Variants in CTBP2 observed in about 807,000 individuals in gnomAD.
CTBP2 encodes C-terminal binding protein 2, also known as C-terminal-binding protein 2.
In CTBP2, 30 loss-of-function variants were observed where a neutral mutation model predicts 80.3. That is an observed-to-expected ratio of 0.37 (90% CI 0.28 to 0.51). CTBP2 has a LOEUF of 0.51. Ranked by LOEUF, CTBP2 falls within the 20% of genes least tolerant of loss-of-function variation. The pLI, the probability that CTBP2 is intolerant of heterozygous loss-of-function variation, is 0.93. For synonymous variants in CTBP2, 594 were observed against 587.4 expected, an observed-to-expected ratio of 1.01 and a Z score of -0.16; for missense variants, 1,212 against 1,375.3, an observed-to-expected ratio of 0.88 and a Z score of 1.88.
intron 1 of CTBP2, among the ~76,000 whole-genome samples, chr10:125,024,973 A>G (rs1293735696): frequency 6.6e-6 from 1 of 152,190 alleles, no homozygotes; most frequent in Admixed American, 6.5e-5. Context: ...GGTCATCTCT[A>G]GGAGGTAATA....
chr10:125,104,483 A>G (rs1375647917), intron 2 of CTBP2, among the ~76,000 whole-genome samples: 1 of 152,222 alleles, frequency 6.6e-6, no homozygotes, highest in East Asian at 1.9e-4. Context: ...GCGTGCCTGA[A>G]GAAACCACAT....
chr10:125,100,367 G>A (rs565785471), intron 2 of CTBP2, among the ~76,000 whole-genome samples: 12 of 152,164 alleles, frequency 7.9e-5, no homozygotes, highest in Admixed American at 2.0e-4. Flanking sequence ...TTGGGCTCTG[G>A]TAAGGGAAGT....
intron 1 of CTBP2, among the ~76,000 whole-genome samples, chr10:125,128,437 G>C (rs921886945): frequency 1.3e-5 from 2 of 152,170 alleles, no homozygotes; most frequent in African/African-American, 2.4e-5. Context: ...AGGAATGAAG[G>C]AACAAGAATT....
At chr10:125,134,605 G>A (rs1206086990) in intron 1 of CTBP2, among the ~76,000 whole-genome samples, 1 of 152,176 alleles carries the variant, frequency 6.6e-6, no homozygotes, top group Non-Finnish European at 1.5e-5. Flanking sequence ...AAAGGCTGGA[G>A]AACCAGGCTG....
chr10:125,153,185 A>G (rs1418368581), intron 1 of CTBP2, among the ~76,000 whole-genome samples: 1 of 152,060 alleles, frequency 6.6e-6, no homozygotes, highest in Non-Finnish European at 1.5e-5. Flanking sequence ...GGGTGTCTCC[A>G]CTCCAGGCTG....
chr10:125,031,472 G>T (rs1384114868), upstream of CTBP2, among the ~76,000 whole-genome samples: 1 of 108,172 alleles, frequency 9.2e-6, no homozygotes, highest in African/African-American at 3.6e-5. Flanking sequence ...CTGGGCAACA[G>T]AGCAAGACTC....
chr10:125,025,447 G>A (rs1048079810), intron 1 of CTBP2, among the ~76,000 whole-genome samples: 1 of 152,108 alleles, frequency 6.6e-6, no homozygotes. Flanking sequence ...TCAAGCACGC[G>A]GAATTCCCAA....
chr10:125,026,851 T>C lies in CTBP2; in HGVS notation c.909A>G (p.Ala303=). Reference sequence around the variant, plus strand: ...GCAGTAGGGCTCCCAGCGTGGCCTCTGCCAGCCCCTCCGCCCGCAGAAAGG... The same window carrying C: ...GCAGTAGGGCTCCCAGCGTGGCCTCCGCCAGCCCCTCCGCCCGCAGAAAGG... The change falls in exon 1 of 9, where the codon GCA becomes GCG. Residue 303 remains alanine (A), a synonymous_variant. Transcript: ENST00000309035. The C allele has an allele frequency of 6.2e-7, 1 of 1,613,704 alleles. No homozygotes were observed. Among genetic ancestry groups the C allele is most frequent in the Middle Eastern group, 1.6e-4 (1 of 6,062 alleles).
At chr10:125,006,660 G>A (rs537701624) in intron 1 of CTBP2, among the ~76,000 whole-genome samples, 15 of 152,214 alleles carry the variant, frequency 9.9e-5, no homozygotes, top group East Asian at 1.9e-4. Context: ...GATTCCTGAC[G>A]CCTCTTTCAG....
intron 1 of CTBP2, among the ~76,000 whole-genome samples, chr10:125,008,060 C>A (rs1955457478): frequency 6.6e-6 from 1 of 152,138 alleles, no homozygotes; most frequent in East Asian, 1.9e-4. Context: ...GATTCTCCTG[C>A]CTTAGCCTCC....
At chr10:125,037,118 T>C (rs2134944028) in intron 3 of CTBP2, among the ~76,000 whole-genome samples, 1 of 152,318 alleles carries the variant, frequency 6.6e-6, no homozygotes. Flanking sequence ...GACAAGGTAA[T>C]GCAAACTTCT....
At chr10:125,079,489 A>G (rs577816216) in intron 2 of CTBP2, among the ~76,000 whole-genome samples, 28 of 152,350 alleles carry the variant, frequency 1.8e-4, no homozygotes, top group African/African-American at 6.3e-4. Flanking sequence ...ACAGATTGAG[A>G]TCAACAGTGG....
At chr10:125,082,183 C>T (rs547533228) in intron 2 of CTBP2, among the ~76,000 whole-genome samples, 1 of 152,356 alleles carries the variant, frequency 6.6e-6, no homozygotes, top group African/African-American at 2.4e-5. Context: ...CTCCTCCCCC[C>T]AGGCAGCCTG....
upstream of CTBP2, among the ~76,000 whole-genome samples, chr10:125,031,218 G>A (rs956665741): frequency 3.9e-5 from 6 of 152,148 alleles, no homozygotes; most frequent in Non-Finnish European, 5.9e-5. Flanking sequence ...GCCGGGTGCC[G>A]TGGCTCATGC....
intron 2 of CTBP2, among the ~76,000 whole-genome samples, chr10:125,055,161 T>C (rs2135259358): frequency 6.6e-6 from 1 of 152,324 alleles, no homozygotes; most frequent in East Asian, 1.9e-4. Context: ...TTGCTTTTTC[T>C]TAAAAGTGGT....
intron 1 of CTBP2, chr10:125,133,616 A>C (rs1856515908): frequency 6.6e-6 from 1 of 152,210 alleles, no homozygotes; most frequent in Non-Finnish European, 1.5e-5. Flanking sequence ...TCTCCATCTG[A>C]AAACAGAGGC....
intron 4 of CTBP2, chr10:124,996,048 G>GGTTTTTTT (rs1953474576): frequency 7.6e-6 from 1 of 131,336 alleles, no homozygotes; most frequent in African/African-American, 3.1e-5. Flanking sequence ...CTATTTCTTT[G>GGTTTTTTT]TTTTTTTTTT....
intron 2 of CTBP2, among the ~76,000 whole-genome samples, chr10:125,053,479 T>TC (rs891348840): frequency 3.9e-5 from 6 of 152,220 alleles, no homozygotes; most frequent in Non-Finnish European, 7.4e-5. Flanking sequence ...TCCAGGCCCC[T>TC]CCCAGAGGTT....
intron 1 of CTBP2, among the ~76,000 whole-genome samples, chr10:125,012,823 G>A (rs927698355): frequency 3.3e-5 from 5 of 152,040 alleles, no homozygotes; most frequent in African/African-American, 7.2e-5. Context: ...CAGGTGATCC[G>A]CCCGCCTCGG....
Sources: gnomAD v4.1 joint callset for allele counts (sites outside exome capture counted in the v4.1 genomes callset) on GRCh38, gnomAD v4.1.1 for gene constraint, MANE v1.5 for transcripts, NCBI Gene and HGNC (gene_info 2026-07-23, HGNC 2026-07-21) for gene names.